MYO6: variants seen among roughly 807,000 people sequenced by gnomAD.
MYO6 encodes the protein unconventional myosin-VI.
MYO6 carries 74 observed loss-of-function variants against 178.7 expected under a neutral mutation model. The observed-to-expected ratio is 0.41, with a 90% CI of 0.34 to 0.50. The LOEUF (loss-of-function observed/expected upper bound fraction) is 0.50. Ranked by LOEUF, MYO6 falls within the 20% of genes least tolerant of loss-of-function variation. The pLI is 0.09. For synonymous variants in MYO6, 477 were observed against 504.6 expected, an observed-to-expected ratio of 0.95 and a Z score of 0.73; for missense variants, 1,330 against 1,547.4, an observed-to-expected ratio of 0.86 and a Z score of 2.36.
At chr6:75,843,970 C>T (rs555505118) in intron 9 of MYO6, among the ~76,000 whole-genome samples, 1 of 151,984 alleles carries the variant, frequency 6.6e-6, no homozygotes, top group Non-Finnish European at 1.5e-5. Context: ...AAAATCATAG[C>T]AACCTGATTT....
In MYO6 at chr6:75,857,074, A is replaced by T. The variant is rs748522975; in HGVS notation, c.1224-23A>T. On this transcript the variant is annotated intron_variant, in intron 12 of 34. Transcript: ENST00000369977. ...CAGTGCACTATTATAAAGAATTTTTACTAGCATAGTTTTCTTTTATAGGGT... is the reference window on the plus strand; with the variant it reads ...CAGTGCACTATTATAAAGAATTTTTTCTAGCATAGTTTTCTTTTATAGGGT... 3.1e-6 allele frequency: 5 copies of T among 1,612,672 alleles called. No individual in the cohort carries two copies. The South Asian group carries it at 5.5e-5, about 18-fold the overall frequency.
intron 28 of MYO6, 44 bp downstream of exon 28, chr6:75,892,734 T>G (rs1254148647): frequency 6.2e-7 from 1 of 1,603,544 alleles, no homozygotes; most frequent in Non-Finnish European, 8.5e-7. Flanking sequence ...CTCCTTTGCT[T>G]TCTCTACCTC....
chr6:75,894,925 G>T, intron 28 of MYO6: 1 of 924,694 alleles, frequency 1.1e-6, no homozygotes. Flanking sequence ...CAAAGAGATG[G>T]TTTCAAATTA....
At chr6:75,914,402 T>A in intron 34 of MYO6, 121 bp downstream of exon 34, 1 of 1,029,548 alleles carries the variant, frequency 9.7e-7, no homozygotes, top group Non-Finnish European at 1.4e-6. Context: ...GGATGGAGTC[T>A]TGCGGTTAAA....
intron 2 of MYO6, among the ~76,000 whole-genome samples, chr6:75,820,888 C>G (rs949399073): frequency 3.3e-5 from 5 of 152,160 alleles, no homozygotes; most frequent in Admixed American, 1.3e-4. Context: ...GTCTCTCCCT[C>G]CCTACTAGAC....
At chr6:75,763,921 T>G (rs1397541548) in intron 1 of MYO6, among the ~76,000 whole-genome samples, 1 of 152,190 alleles carries the variant, frequency 6.6e-6, no homozygotes, top group Non-Finnish European at 1.5e-5. Flanking sequence ...GCTAATGAGG[T>G]CTTGATCCCA....
At chr6:75,817,043 C>T (rs1401593695) in intron 1 of MYO6, among the ~76,000 whole-genome samples, 1 of 152,166 alleles carries the variant, frequency 6.6e-6, no homozygotes, top group Non-Finnish European at 1.5e-5. Flanking sequence ...CGGTGGCTCA[C>T]GCCTGTAATC....
At chr6:75,834,834 C>G (rs765449747) in intron 6 of MYO6, among the ~76,000 whole-genome samples, 2 of 152,184 alleles carry the variant, frequency 1.3e-5, no homozygotes, top group African/African-American at 2.4e-5. Flanking sequence ...TATACATACA[C>G]ACAATTCTGG....
At chr6:75,776,697 G>C (rs1301494711) in intron 1 of MYO6, among the ~76,000 whole-genome samples, 1 of 148,004 alleles carries the variant, frequency 6.8e-6, no homozygotes, top group Non-Finnish European at 1.5e-5. Flanking sequence ...TGTTTTGGTA[G>C]AGATGGGGTA....
In MYO6 at chr6:75,749,281, G is replaced by C. The variant is rs1159424020; in HGVS notation, c.-190G>C. The C allele has an allele frequency of 6.6e-6, 1 of 152,588 alleles. No homozygotes were observed. Among genetic ancestry groups the C allele is most frequent in the African/African-American group, 2.4e-5 (1 of 41,432 alleles). The allele number at this position is 152,588 out of a possible 1,614,324, so 9.5% of individuals were successfully genotyped here. A position where few individuals can be genotyped will look rare whatever the true frequency, so the allele number is the denominator to read the frequency against. On this transcript the variant is annotated 5_prime_UTR_variant, in exon 1 of 35. Coordinates refer to ENST00000369977, the MANE Select transcript of MYO6 (RefSeq NM_004999.4). Reference sequence around the variant, plus strand: ...CTGTCCGAGCAGGAAGCCAGCCTCAGCCCGGCCGCTGTCGCCGCCCTGTCC... The same window carrying C: ...CTGTCCGAGCAGGAAGCCAGCCTCACCCCGGCCGCTGTCGCCGCCCTGTCC...
In MYO6 at chr6:75,832,918, C is replaced by T; in HGVS notation, c.468C>T (p.Gly156=). Reference sequence around the variant, plus strand: ...TTGTATCTGGAGAATCAGGAGCCGGCAAAACAGAAAATACAAAATTTGTTC... The same window carrying T: ...TTGTATCTGGAGAATCAGGAGCCGGTAAAACAGAAAATACAAAATTTGTTC... ...SIIVSGESGA[G]KTENTKFVLR... Residue 156 remains glycine (G), a synonymous_variant, in exon 6 of 35, where the codon GGC becomes GGT. Coordinates refer to ENST00000369977, the MANE Select transcript of MYO6 (RefSeq NM_004999.4). The T allele has an allele frequency of 6.2e-7, 1 of 1,613,664 alleles. No homozygotes were observed. The highest frequency in any genetic ancestry group is 8.5e-7 in the Non-Finnish European group (1 of 1,179,614).
Position 75,857,151 on chromosome 6 carries a change from A to T in MYO6, c.1278A>T (p.Thr426=). 1 of 1,614,092 alleles carries T rather than the reference A, an allele frequency of 6.2e-7. No homozygotes were observed. The highest frequency in any genetic ancestry group is 8.5e-7 in the Non-Finnish European group (1 of 1,179,954). Residue 426 remains threonine, a synonymous_variant, in exon 13 of 35, where the codon ACA becomes ACT. Transcript: ENST00000369977. ...ANNARDALAK[T]VYSHLFDHVV... is the part of the protein sequence containing the mutation. ...ATGCTCGTGATGCCCTGGCAAAGAC[A>T]GTGTATAGCCATCTTTTTGATCATG...
chr6:75,787,718 CTCTCTCTCTCTCTATATA>C lies in MYO6; in HGVS notation c.-47-29781_-47-29764del, dbSNP rs1440150541. On this transcript the variant is annotated intron_variant, in intron 1 of 34. Transcript: ENST00000369977. ...TCTCTCTCTCTCTCTCTCTCTCTCT[CTCTCTCTCTCTCTATATA>C]TATATATATATATATATATATATAT... 6.0e-3 allele frequency among the ~76,000 whole-genome samples: 251 copies of C among 41,780 alleles called. 1 individual carries two copies. The highest frequency in any genetic ancestry group is 8.3e-3 in the Non-Finnish European group (189 of 22,864). 27.4% of individuals were successfully genotyped at this position (41,780 alleles called of 152,430 possible).
chr6:75,887,188 TAAA>T (rs1319123324), intron 25 of MYO6, among the ~76,000 whole-genome samples, 194 bp downstream of exon 25: 6 of 152,196 alleles, frequency 3.9e-5, no homozygotes, highest in Non-Finnish European at 7.4e-5. Context: ...AGCAAAAAGT[TAAA>T]GAAGACAATT....
At position 75,861,054 on chromosome 6, in the gene MYO6, G is replaced by A. The variant is rs1186156085; in HGVS notation, c.1505G>A (p.Gly502Asp). Residue 502 changes from glycine to aspartate, a missense_variant, in exon 15 of 35, where the codon GGT (glycine) becomes GAT (aspartate). Transcript: ENST00000369977. ...EQELYQKEGL[G>D]VNEVHYVDNQ... ...GAACTCTATCAAAAAGAAGGTTTAG[G>A]TGTTAATGAAGTGCATTATGTGGAT... 1 of 1,610,084 alleles carries A rather than the reference G, an allele frequency of 6.2e-7. No individual in the cohort carries two copies.
chr6:75,798,058 G>A (rs191454388), intron 1 of MYO6, among the ~76,000 whole-genome samples: 1 of 152,174 alleles, frequency 6.6e-6, no homozygotes, highest in African/African-American at 2.4e-5. Flanking sequence ...TCTTAGCCAA[G>A]GCCAGTGTCA....
At chr6:75,873,546 G>A (rs962440071) in intron 20 of MYO6, among the ~76,000 whole-genome samples, 3 of 152,086 alleles carry the variant, frequency 2.0e-5, no homozygotes, top group African/African-American at 7.2e-5. Flanking sequence ...AAGTCAGCCT[G>A]GGCAACATAG....
chr6:75,812,345 A>T (rs1770775980), intron 1 of MYO6, among the ~76,000 whole-genome samples: 1 of 152,064 alleles, frequency 6.6e-6, no homozygotes, highest in African/African-American at 2.4e-5. Context: ...GTAGGTGTGT[A>T]TATTATGGGG....
At chr6:75,821,019 G>A (rs1298382100) in intron 2 of MYO6, among the ~76,000 whole-genome samples, 1 of 152,142 alleles carries the variant, frequency 6.6e-6, no homozygotes, top group Non-Finnish European at 1.5e-5. Flanking sequence ...GCAGAAAAAA[G>A]CCTCCTTCTT....
Sources: gnomAD v4.1 joint callset for allele counts (sites outside exome capture counted in the v4.1 genomes callset) on GRCh38, gnomAD v4.1.1 for gene constraint, MANE v1.5 for transcripts, NCBI Gene and HGNC (gene_info 2026-07-23, HGNC 2026-07-21) for gene names.